The following LGI3 variants were observed in gnomAD, a reference collection of about 807,000 sequenced individuals.
LGI3 encodes the protein leucine-rich repeat LGI family member 3.
Under a neutral mutation model 55.4 loss-of-function variants are expected in LGI3, and 47 were observed. That is an observed-to-expected ratio of 0.85 (90% CI 0.67 to 1.08). The LOEUF is 1.08. LGI3 is among the 50% of genes least tolerant of loss of function. The pLI is 0.00. For missense variants in LGI3, 664 were observed against 726.3 expected (o/e 0.91, Z 0.99); for synonymous variants, 326 against 315.0 (o/e 1.04, Z -0.37).
rs762098931 is a variant in LGI3, at chr8:22,151,630, C to T, written c.688G>A (p.Ala230Thr). The T allele has an allele frequency of 1.2e-6, 2 of 1,614,010 alleles. No individual in the cohort carries two copies. The highest frequency in any genetic ancestry group is 8.5e-7 in the Non-Finnish European group (1 of 1,179,982). ...GGCTCAGCCGACACTGCTGGGAAGG[C>T]CAGGGTCTGGTACAACACAAAATCT... Reference protein sequence around the residue: ...TTDFVLYQTLAFPAVSAEPFL... With the variant: ...TTDFVLYQTLTFPAVSAEPFL... Residue 230 changes from alanine to threonine, a missense_variant, in exon 7 of 8, where the codon GCC (alanine) becomes ACC (threonine). Transcript: ENST00000306317.
chr8:22,154,971 A>C, intron 2 of LGI3: 1 of 416,404 alleles, frequency 2.4e-6, no homozygotes. Context: ...TCCCTCATGG[A>C]CGGCATCTTG....
chr8:22,154,682 C>T lies in LGI3; in HGVS notation c.279-51G>A, dbSNP rs1340558878. The T allele has an allele frequency of 2.2e-6, 3 of 1,355,304 alleles. No homozygotes were observed. In the Admixed American group the frequency reaches 5.0e-5, roughly 23 times the overall value. The allele number at this position is 1,355,304 out of a possible 1,614,324, so 84.0% of individuals were successfully genotyped here. On this transcript the variant is annotated intron_variant, in intron 2 of 7. Transcript: ENST00000306317. Reference sequence around the variant, plus strand: ...GCTTCCAAGGGTGTGCCTGCTGCCCCAGCCCCCAGCCCGCTGCCTCAGCCC... The same window carrying T: ...GCTTCCAAGGGTGTGCCTGCTGCCCTAGCCCCCAGCCCGCTGCCTCAGCCC...
In LGI3 at chr8:22,148,532, A is replaced by G; in HGVS notation, c.1275T>C (p.Ala425=). Residue 425 remains alanine, a synonymous_variant, in exon 8 of 8, where the codon GCT becomes GCC. Transcript: ENST00000306317. This position sits in a 1 kb window ranked among gnomAD's most constrained non-coding sequence, Gnocchi z 7.0. ...CGCGGCCGGCACGAAAGTGTTTCAC[A>G]GCTTGGGCATCAGGCACCTGGGTCA... ...GEVTQVPDAQ[A]VKHFRAGRDS... 1.2e-6 allele frequency: 2 copies of G among 1,613,756 alleles called. No homozygotes were observed. Among genetic ancestry groups the G allele is most frequent in the African/African-American group, 2.7e-5 (2 of 75,012 alleles).
At chr8:22,155,039 C>T (rs753633843) in intron 2 of LGI3, 2 of 410,536 alleles carry the variant, frequency 4.9e-6, no homozygotes, top group Admixed American at 4.1e-5. Flanking sequence ...TTTCTGGGAA[C>T]TCTGATTCCT....
intron 3 of LGI3, 45 bp downstream of exon 3, chr8:22,154,515 C>T (rs1338406086): frequency 6.4e-7 from 1 of 1,559,366 alleles, no homozygotes; most frequent in South Asian, 1.1e-5. Flanking sequence ...GGCCTGGGGT[C>T]CCCCTCCCTT....
At chr8:22,149,521 C>A (rs1255823378) in intron 7 of LGI3, among the ~76,000 whole-genome samples, 1 of 152,190 alleles carries the variant, frequency 6.6e-6, no homozygotes, top group African/African-American at 2.4e-5. Flanking sequence ...CCCAAGACAC[C>A]TTGCTGTTTG....
rs1827327851 is a variant in LGI3 at position 22,148,044 on chromosome 8, C to T, written c.*116G>A. On this transcript the variant is annotated 3_prime_UTR_variant, in exon 8 of 8. Coordinates refer to ENST00000306317, the MANE Select transcript of LGI3 (RefSeq NM_139278.4). The surrounding 1 kb of genome is among the most constrained non-coding windows in gnomAD (Gnocchi z 7.0). ...TGTACACACTGGGCGTGTGCGGATA[C>T]AAGGGCATGAATGCAGGTTGGTCGC... is the stretch of plus-strand genomic sequence containing the variant. The T allele has an allele frequency of 1.2e-6, 1 of 865,460 alleles. No homozygotes were observed. The highest frequency in any genetic ancestry group is 2.3e-5 in the Admixed American group (1 of 42,918). The allele number at this position is 865,460 out of a possible 1,614,324, so 53.6% of individuals were successfully genotyped here.
At chr8:22,155,000 T>A in intron 2 of LGI3, 1 of 401,694 alleles carries the variant, frequency 2.5e-6, no homozygotes, top group Non-Finnish European at 4.6e-6. Context: ...GAGACACTCC[T>A]GCCATCCCTT....
chr8:22,147,584 G>A lies in LGI3; in HGVS notation c.*576C>T, dbSNP rs1018598604. 2.6e-5 allele frequency: 4 copies of A among 154,646 alleles called. No individual in the cohort carries two copies. Among genetic ancestry groups the A allele is most frequent in the African/African-American group, 9.7e-5 (4 of 41,428 alleles). The allele number at this position is 154,646 out of a possible 1,614,324, so 9.6% of individuals were successfully genotyped here. A position where few individuals can be genotyped will look rare whatever the true frequency, so the allele number is the denominator to read the frequency against. Reference sequence around the variant, plus strand: ...GCTGAATCTGCTTGTATGCACACGTGCCCTGACATGTTTATAGATGGACAC... The same window carrying A: ...GCTGAATCTGCTTGTATGCACACGTACCCTGACATGTTTATAGATGGACAC... On this transcript the variant is annotated 3_prime_UTR_variant, in exon 8 of 8. Coordinates refer to ENST00000306317, the MANE Select transcript of LGI3 (RefSeq NM_139278.4).
At chr8:22,153,216 C>T (rs191326805) in intron 5 of LGI3, among the ~76,000 whole-genome samples, 1 of 151,268 alleles carries the variant, frequency 6.6e-6, no homozygotes, top group Non-Finnish European at 1.5e-5. Flanking sequence ...TTCCAAGTAG[C>T]CAGGATTACA....
chr8:22,155,449 G>C lies in LGI3; in HGVS notation c.221C>G (p.Ala74Gly), dbSNP rs1351093188. The change falls in exon 2 of 8, where the codon GCC (alanine) becomes GGC (glycine). Residue 74 changes from alanine to glycine, a missense_variant. Physicochemically the swap from Ala to Gly is moderately conservative, Grantham distance 60 (BLOSUM62 0). Coordinates refer to ENST00000306317, the MANE Select transcript of LGI3 (RefSeq NM_139278.4). ...TCCATCCTGGATCTCTGAGAAGGCG[G>C]CATTCACCAGGGTCCTGCGGGGACA... is the stretch of plus-strand genomic sequence containing the variant. Reference protein sequence around the residue: ...SEVISLTLVNAAFSEIQDGAF... With the variant: ...SEVISLTLVNGAFSEIQDGAF... 8 of 1,613,778 alleles carry C rather than the reference G, an allele frequency of 5.0e-6. No homozygotes were observed. In the East Asian group the frequency reaches 1.8e-4, roughly 36 times the overall value.
rs151274311 is a variant in LGI3, at chr8:22,151,392, A to C, written c.829+97T>G. ...TGTGGGCAGAGGGTATGTCTCATCT[A>C]TCCCTCTACCTACAGGAACTCAATG... On this transcript the variant is annotated intron_variant, in intron 7 of 7. Transcript: ENST00000306317. The C allele has an allele frequency of 3.5e-4, 419 of 1,181,096 alleles. 2 individuals carry two copies. In the African/African-American group the frequency reaches 5.8e-3, roughly 16 times the overall value. 73.2% of individuals were successfully genotyped at this position (1,181,096 alleles called of 1,614,324 possible).
chr8:22,152,763 C>T (rs1207225825), intron 5 of LGI3, among the ~76,000 whole-genome samples: 1 of 140,764 alleles, frequency 7.1e-6, no homozygotes, highest in Non-Finnish European at 1.5e-5. Flanking sequence ...AAAAAAAGCA[C>T]ATGTTGGCCG....
rs1437912347 is a variant in LGI3 at position 22,147,097 on chromosome 8, A to C, written c.*1063T>G. 6.6e-6 allele frequency: 1 copy of C among 152,282 alleles called. No homozygotes were observed. Among genetic ancestry groups the C allele is most frequent in the Non-Finnish European group, 1.5e-5 (1 of 68,110 alleles). 9.4% of individuals were successfully genotyped at this position (152,282 alleles called of 1,614,324 possible). ...AGGGCTGCAACACGCCCTCAGGCCAAGCTCCACTCTGGGCACCCTCGCAGG... is the reference window on the plus strand; with the variant it reads ...AGGGCTGCAACACGCCCTCAGGCCACGCTCCACTCTGGGCACCCTCGCAGG... On this transcript the variant is annotated 3_prime_UTR_variant, in exon 8 of 8. Transcript: ENST00000306317.
In LGI3 at chr8:22,147,295, A is replaced by G. The variant is rs1171540142; in HGVS notation, c.*865T>C. On this transcript the variant is annotated 3_prime_UTR_variant, in exon 8 of 8. Transcript: ENST00000306317. ...TCAGATGAGGGGAGGTCTTCTGTCCATGGGTGAGCTGGGATTCACGGCCAT... is the reference window on the plus strand; with the variant it reads ...TCAGATGAGGGGAGGTCTTCTGTCCGTGGGTGAGCTGGGATTCACGGCCAT... The G allele has an allele frequency of 6.6e-6, 1 of 152,396 alleles. No homozygotes were observed. Among genetic ancestry groups the G allele is most frequent in the Admixed American group, 6.5e-5 (1 of 15,290 alleles). 9.4% of individuals were successfully genotyped at this position (152,396 alleles called of 1,614,324 possible). A position where few individuals can be genotyped will look rare whatever the true frequency, so the allele number is the denominator to read the frequency against.
Position 22,147,598 on chromosome 8 carries a change from A to G in LGI3, c.*562T>C, listed in dbSNP as rs900183554. 5 of 155,602 alleles carry G rather than the reference A, an allele frequency of 3.2e-5. No homozygotes were observed. Among genetic ancestry groups the G allele is most frequent in the African/African-American group, 1.2e-4 (5 of 41,404 alleles). 9.6% of individuals were successfully genotyped at this position (155,602 alleles called of 1,614,324 possible). On this transcript the variant is annotated 3_prime_UTR_variant, in exon 8 of 8. Transcript: ENST00000306317. ...TATGCACACGTGCCCTGACATGTTTATAGATGGACACCGGGTGCAGTCGGG... is the reference window on the plus strand; with the variant it reads ...TATGCACACGTGCCCTGACATGTTTGTAGATGGACACCGGGTGCAGTCGGG...
Position 22,154,563 on chromosome 8 carries a change from T to C in LGI3, c.347A>G (p.Tyr116Cys). ...NAFTGLSHLQYLFIENNDIWA... is the reference protein window; with the variant it reads ...NAFTGLSHLQCLFIENNDIWA... Reference sequence around the variant, plus strand: ...TGCCCCTTTCCCTCCCACACACAGATACTGCAGGTGCGACAGTCCTGTGAA... The same window carrying C: ...TGCCCCTTTCCCTCCCACACACAGACACTGCAGGTGCGACAGTCCTGTGAA... Residue 116 changes from tyrosine to cysteine, a missense_variant, in exon 3 of 8, where the codon TAT (tyrosine) becomes TGT (cysteine). By Grantham distance (194) the Tyr-to-Cys change is radical (BLOSUM62 -2). Transcript: ENST00000306317. The C allele has an allele frequency of 6.2e-7, 1 of 1,613,720 alleles. No homozygotes were observed. The highest frequency in any genetic ancestry group is 1.7e-5 in the Admixed American group (1 of 60,024).
chr8:22,151,603 AG>A lies in LGI3; in HGVS notation c.714del (p.Phe239SerfsTer22). 1 of 1,614,152 alleles carries A rather than the reference AG, an allele frequency of 6.2e-7. No individual in the cohort carries two copies. Among genetic ancestry groups the A allele is most frequent in the East Asian group, 2.2e-5 (1 of 44,884 alleles). On this transcript the variant is annotated frameshift_variant, in exon 7 of 8. Transcript: ENST00000306317. LOFTEE classifies it high-confidence loss of function. The part of the protein sequence containing the change: ...TLAFPAVSAE[P>X]FLYSSDLYLA... ...AAATAGAGGTCACTGGAGTAGAGGAAGGGCTCAGCCGACACTGCTGGGAAGG... is the reference window on the plus strand; with the variant it reads ...AAATAGAGGTCACTGGAGTAGAGGAAGGCTCAGCCGACACTGCTGGGAAGG...
Position 22,151,480 on chromosome 8 carries a change from C to A in LGI3, c.829+9G>T. On this transcript the variant is annotated intron_variant, in intron 7 of 7. Coordinates refer to ENST00000306317, the MANE Select transcript of LGI3 (RefSeq NM_139278.4). ...CAAGGGCCAGCAGAACCAGATTGGGCGCAGGTACCTGGGATTCTATCATAG... is the reference window on the plus strand; with the variant it reads ...CAAGGGCCAGCAGAACCAGATTGGGAGCAGGTACCTGGGATTCTATCATAG... The A allele has an allele frequency of 6.2e-7, 1 of 1,613,082 alleles. No individual in the cohort carries two copies. Among genetic ancestry groups the A allele is most frequent in the Non-Finnish European group, 8.5e-7 (1 of 1,179,506 alleles).
Sources: allele counts gnomAD v4.1 joint callset (sites outside exome capture counted in the v4.1 genomes callset), GRCh38; gene constraint gnomAD v4.1.1; non-coding constraint Gnocchi (gnomAD v3.1); transcripts MANE v1.5; gene names NCBI Gene and HGNC (gene_info 2026-07-23, HGNC 2026-07-21).